Variants in THEMIS observed in about 807,000 individuals in gnomAD.
THEMIS encodes thymocyte selection associated.
A neutral mutation model predicts 52.6 loss-of-function variants in THEMIS; 37 were observed. That is an observed-to-expected ratio of 0.70 (90% CI 0.54 to 0.93). The LOEUF (loss-of-function observed/expected upper bound fraction) is 0.93, where lower values mean the gene tolerates loss of function less well. Among genes scored for constraint, THEMIS ranks in the 40% least tolerant of loss-of-function variants. The pLI, the probability that THEMIS is intolerant of heterozygous loss-of-function variation, is 0.00. For missense variants in THEMIS, 808 were observed against 763.1 expected, an observed-to-expected ratio of 1.06 and a Z score of -0.69; for synonymous variants, 292 against 272.7, an observed-to-expected ratio of 1.07 and a Z score of -0.70.
chr6:127,853,664 TC>T (rs1444315242), intron 2 of THEMIS, among the ~76,000 whole-genome samples: 1 of 151,626 alleles, frequency 6.6e-6, no homozygotes, highest in African/African-American at 2.4e-5. Flanking sequence ...TTTTCCTGAC[TC>T]CTCCAATGAC....
intron 5 of THEMIS, among the ~76,000 whole-genome samples, chr6:127,718,665 C>A (rs777703489): frequency 6.6e-6 from 1 of 151,944 alleles, no homozygotes; most frequent in African/African-American, 2.4e-5. Context: ...GCAATTTTCA[C>A]TGCAGTGGTT....
At chr6:127,767,422 G>C (rs1481472761) in intron 4 of THEMIS, among the ~76,000 whole-genome samples, 2 of 151,880 alleles carry the variant, frequency 1.3e-5, no homozygotes, top group African/African-American at 4.8e-5. Flanking sequence ...TGTTCTATAA[G>C]CTTTTTTTTC....
chr6:127,776,230 C>G (rs1776560523), intron 4 of THEMIS, among the ~76,000 whole-genome samples: 1 of 152,126 alleles, frequency 6.6e-6, no homozygotes, highest in African/African-American at 2.4e-5. Flanking sequence ...TTAAGATGTT[C>G]CACCTGTAAT....
intron 4 of THEMIS, among the ~76,000 whole-genome samples, chr6:127,756,425 C>T (rs1350367639): frequency 6.6e-6 from 1 of 152,078 alleles, no homozygotes; most frequent in Non-Finnish European, 1.5e-5. Flanking sequence ...TACATATTTC[C>T]TCTAAACGCT....
rs948988734 is a variant in THEMIS, at chr6:127,813,004, T to C, written c.1637A>G (p.Tyr546Cys). The C allele has an allele frequency of 3.1e-6, 5 of 1,614,108 alleles. No individual in the cohort carries two copies. Among genetic ancestry groups the C allele is most frequent in the Non-Finnish European group, 3.4e-6 (4 of 1,180,010 alleles). ...TEEQYYMMRR[Y>C]ESSASHPPPR... ...TGGGGGATGTGAGGCTGAGCTTTCATATCTCCGCATCATGTAATATTGCTC... is the reference window on the plus strand; with the variant it reads ...TGGGGGATGTGAGGCTGAGCTTTCACATCTCCGCATCATGTAATATTGCTC... The change falls in exon 4 of 6, where the codon TAT (tyrosine) becomes TGT (cysteine). Residue 546 changes from tyrosine (Y) to cysteine (C), a missense_variant. Tyr to Cys is a radical substitution (Grantham distance 194, BLOSUM62 -2). Transcript: ENST00000368248.
chr6:127,768,411 ATT>A (rs1390079949), intron 4 of THEMIS, among the ~76,000 whole-genome samples: 1 of 152,102 alleles, frequency 6.6e-6, no homozygotes, highest in Non-Finnish European at 1.5e-5. Context: ...AAGTGTAAAT[ATT>A]TTTGCTTCAT....
chr6:127,769,678 G>A (rs995704684), intron 4 of THEMIS, among the ~76,000 whole-genome samples: 9 of 152,108 alleles, frequency 5.9e-5, no homozygotes, highest in African/African-American at 2.2e-4. Context: ...TGTGCACAAC[G>A]TGCAGGTTTG....
At position 127,804,758 on chromosome 6, in the gene THEMIS, C is replaced by A. The variant is rs944061538; in HGVS notation, c.1758+8125G>T. Among the ~76,000 whole-genome samples the A allele has an allele frequency of 4.6e-5, 7 of 152,172 alleles. No homozygotes were observed. In the South Asian group the frequency reaches 1.2e-3, roughly 27 times the overall value. On this transcript the variant is annotated intron_variant, in intron 4 of 5. Coordinates refer to ENST00000368248, the MANE Select transcript of THEMIS (RefSeq NM_001010923.3). ...TTGGATAACAATTGAGAAAACACGT[C>A]TTACATGACTTTGTGTTTTATCCTA...
intron 4 of THEMIS, among the ~76,000 whole-genome samples, chr6:127,764,828 T>G (rs2114405386): frequency 6.6e-6 from 1 of 152,168 alleles, no homozygotes; most frequent in Admixed American, 6.6e-5. Flanking sequence ...TTGTTATATG[T>G]TTTGCTCTCT....
chr6:127,841,154 C>A (rs921459212), intron 2 of THEMIS, among the ~76,000 whole-genome samples: 1 of 151,958 alleles, frequency 6.6e-6, no homozygotes, highest in African/African-American at 2.4e-5. Flanking sequence ...ATGTACCACT[C>A]TAGTGTTGTA....
chr6:127,703,204 C>A (rs190524049), downstream of THEMIS, among the ~76,000 whole-genome samples: 2 of 151,228 alleles, frequency 1.3e-5, no homozygotes, highest in East Asian at 3.9e-4. Context: ...CCCGCCACTA[C>A]GCCCGGCTAA....
At chr6:127,802,943 T>C (rs1214211161) in intron 4 of THEMIS, among the ~76,000 whole-genome samples, 1 of 152,228 alleles carries the variant, frequency 6.6e-6, no homozygotes, top group Non-Finnish European at 1.5e-5. Context: ...TTTCTGAATG[T>C]GTTTTAATCA....
At chr6:127,874,640 A>C (rs1217296852) in intron 1 of THEMIS, among the ~76,000 whole-genome samples, 4 of 152,232 alleles carry the variant, frequency 2.6e-5, no homozygotes, top group Non-Finnish European at 5.9e-5. Flanking sequence ...CCATTTGTTC[A>C]AGAGTCAAGT....
At chr6:127,813,978 G>A (rs912199637) in intron 3 of THEMIS, 47 bp from the exon 4 acceptor site, 13 of 1,461,120 alleles carry the variant, frequency 8.9e-6, no homozygotes, top group South Asian at 1.5e-5. Flanking sequence ...ACTTCAAAAC[G>A]TTTGCTGTGA....
Position 127,813,865 on chromosome 6 carries a change from T to G in THEMIS, c.776A>C (p.Tyr259Ser). ...CAGCTGAAGAAACCAGTTAGCATCG[T>G]AAGAATCAGTGATGTCTTTGACTTC... ...DVEVKDITDS[Y>S]DANWFLQLLS... Residue 259 changes from tyrosine to serine, a missense_variant, in exon 4 of 6, where the codon TAC becomes TCC. Coordinates refer to ENST00000368248, the MANE Select transcript of THEMIS (RefSeq NM_001010923.3). 1 of 1,611,150 alleles carries G rather than the reference T, an allele frequency of 6.2e-7. No individual in the cohort carries two copies. Among genetic ancestry groups the G allele is most frequent in the East Asian group, 2.2e-5 (1 of 44,868 alleles).
Position 127,813,718 on chromosome 6 carries a change from A to G in THEMIS, c.923T>C (p.Val308Ala), listed in dbSNP as rs375075404. The G allele has an allele frequency of 1.9e-6, 3 of 1,613,982 alleles. No individual in the cohort carries two copies. Among genetic ancestry groups the G allele is most frequent in the South Asian group, 2.2e-5 (2 of 91,048 alleles). Residue 308 changes from valine (V) to alanine (A), a missense_variant, in exon 4 of 6, where the codon GTG (valine) becomes GCG (alanine). Coordinates refer to ENST00000368248, the MANE Select transcript of THEMIS (RefSeq NM_001010923.3). ...TGATGCCTGGTACTTTTTGTGGATC[A>G]CAATGGTTTTCCCAGGCTGTAAAAT... ...QSILQPGKTI[V>A]IHKKYQASRI...
intron 1 of THEMIS, among the ~76,000 whole-genome samples, chr6:127,855,393 T>C (rs1412979755): frequency 1.3e-5 from 2 of 151,944 alleles, no homozygotes; most frequent in Non-Finnish European, 2.9e-5. Context: ...CAAATATAAA[T>C]AAATCTTATT....
intron 4 of THEMIS, among the ~76,000 whole-genome samples, chr6:127,737,026 T>C (rs990043696): frequency 2.6e-5 from 4 of 152,194 alleles, no homozygotes; most frequent in African/African-American, 9.6e-5. Flanking sequence ...CATTTCACTG[T>C]TGCCTTTAAA....
chr6:127,715,936 C>T (rs549040909), intron 5 of THEMIS, among the ~76,000 whole-genome samples: 21 of 151,940 alleles, frequency 1.4e-4, no homozygotes, highest in Admixed American at 4.6e-4. Flanking sequence ...TTCTGAAATG[C>T]TATGCATCTA....
Sources: allele counts gnomAD v4.1 joint callset (sites outside exome capture counted in the v4.1 genomes callset), GRCh38; gene constraint gnomAD v4.1.1; transcripts MANE v1.5; gene names NCBI Gene and HGNC (gene_info 2026-07-23, HGNC 2026-07-21).